PLCG2: variants seen among roughly 807,000 people sequenced by gnomAD.
The protein encoded by PLCG2 is phospholipase C gamma 2.
In PLCG2, 69 loss-of-function variants were observed where a neutral mutation model predicts 175.6. The observed-to-expected ratio is 0.39, with a 90% CI of 0.32 to 0.48. The LOEUF (loss-of-function observed/expected upper bound fraction) is 0.48, where lower values mean the gene tolerates loss of function less well. Among genes scored for constraint, PLCG2 ranks in the 20% least tolerant of loss-of-function variants. PLCG2 has a pLI of 0.91. For missense variants in PLCG2, 1,798 were observed against 1,650.9 expected (o/e 1.09, Z -1.54); for synonymous variants, 827 against 624.0 (o/e 1.33, Z -4.85).
chr16:81,794,725 A>G (rs879393175), intron 2 of PLCG2, among the ~76,000 whole-genome samples: 1 of 152,182 alleles, frequency 6.6e-6, no homozygotes, highest in Admixed American at 6.5e-5. Context: ...GTGCTTAAGT[A>G]TTTTTTGCTC....
chr16:81,828,168 C>A (rs189338665), intron 2 of PLCG2, among the ~76,000 whole-genome samples: 1 of 151,164 alleles, frequency 6.6e-6, no homozygotes, highest in Non-Finnish European at 1.5e-5. Flanking sequence ...ACAAAACACT[C>A]CTGTACCCTG....
At chr16:81,952,520 A>G (rs1911407891) in intron 31 of PLCG2, among the ~76,000 whole-genome samples, 1 of 152,248 alleles carries the variant, frequency 6.6e-6, no homozygotes, top group African/African-American at 2.4e-5. Context: ...TTCAGTAAAT[A>G]AAGAAGTGCT....
chr16:81,778,051 A>AAACAAAACAAACAAACAAAC (rs1910514159), upstream of PLCG2, among the ~76,000 whole-genome samples: 1 of 79,152 alleles, frequency 1.3e-5, no homozygotes. Flanking sequence ...AACAAAAAAA[A>AAACAAAACAAACAAACAAAC]AAACAAAAAA....
In PLCG2 at chr16:81,921,235, T is replaced by C; in HGVS notation, c.2273T>C (p.Met758Thr). Residue 758 changes from methionine (M) to threonine (T), a missense_variant, in exon 21 of 33, where the codon ATG becomes ACG. Met to Thr is a moderately conservative substitution (Grantham distance 81). Transcript: ENST00000564138. ...DINSLYDVSR[M>T]YVDPSEINPS... is the part of the protein sequence containing the mutation. ...AACTCCCTCTACGACGTCAGCAGAA[T>C]GTATGTGGATCCCAGTGAAATCAAT... The C allele has an allele frequency of 6.2e-7, 1 of 1,609,284 alleles. No homozygotes were observed. The highest frequency in any genetic ancestry group is 8.5e-7 in the Non-Finnish European group (1 of 1,175,626).
chr16:81,898,776 C>T (rs1280577040), intron 13 of PLCG2: 1 of 151,960 alleles, frequency 6.6e-6, no homozygotes. Context: ...AAGATAGTTT[C>T]CTGAGGTGAT....
chr16:81,928,361 C>T (rs150483905), intron 23 of PLCG2, among the ~76,000 whole-genome samples, 197 bp from the exon 24 acceptor site: 6 of 152,264 alleles, frequency 3.9e-5, no homozygotes, highest in African/African-American at 1.2e-4. Flanking sequence ...AACCTCCTGG[C>T]ACCCTCTCCC....
chr16:81,951,150 T>TTGTGTGTG (rs71146056), intron 31 of PLCG2, among the ~76,000 whole-genome samples: 9 of 151,726 alleles, frequency 5.9e-5, no homozygotes, highest in Admixed American at 5.9e-4. Context: ...AATTTAAAAT[T>TTGTGTGTG]TGTGTGTGTG....
At chr16:81,868,403 CCCCACTTACTCTGCAT>C (rs1907351160) in intron 5 of PLCG2, among the ~76,000 whole-genome samples, 2 of 152,094 alleles carry the variant, frequency 1.3e-5, no homozygotes, top group South Asian at 4.1e-4. Flanking sequence ...TGCAGGGGGT[CCCCACTTACTCTGCAT>C]CCCTCTTGTC....
At chr16:81,859,904 C>G (rs188776975) in intron 5 of PLCG2, among the ~76,000 whole-genome samples, 147 of 152,238 alleles carry the variant, frequency 9.7e-4, no homozygotes, top group African/African-American at 3.4e-3. Flanking sequence ...GTTTACTTGA[C>G]TTTTTCACTT....
rs142200863 is a variant in PLCG2 at position 81,948,165 on chromosome 16, TAAATC to T, written c.3570+1906_3570+1910del. On this transcript the variant is annotated intron_variant, in intron 31 of 32. Coordinates refer to ENST00000564138, the MANE Select transcript of PLCG2 (RefSeq NM_002661.5). ...GGCTAGATATTTAGCAATGGAATAA[TAAATC>T]AAAGAAAAAAGGACCATGTATTTTT... Among the ~76,000 whole-genome samples, 478 of 152,318 alleles carry T rather than the reference TAAATC, an allele frequency of 3.1e-3. 4 individuals are homozygous for T. Among genetic ancestry groups the T allele is most frequent in the African/African-American group, 0.011 (455 of 41,566 alleles).
At chr16:81,746,225 C>T (rs182859023) in intron 1 of PLCG2, among the ~76,000 whole-genome samples, 7 of 152,212 alleles carry the variant, frequency 4.6e-5, no homozygotes, top group Non-Finnish European at 1.0e-4. Flanking sequence ...TTTCAGCCCT[C>T]CCCGGTGCTT....
chr16:81,748,485 G>A (rs746434482), intron 1 of PLCG2, among the ~76,000 whole-genome samples: 2 of 152,098 alleles, frequency 1.3e-5, no homozygotes, highest in African/African-American at 2.4e-5. Context: ...CAAAGACTGA[G>A]TCTGAAAGGA....
chr16:81,793,124 G>C (rs1911313206), intron 2 of PLCG2, among the ~76,000 whole-genome samples: 1 of 152,218 alleles, frequency 6.6e-6, no homozygotes. Context: ...GACTGAGTCT[G>C]AAGCACAACA....
At chr16:81,802,589 C>G (rs906549893) in intron 2 of PLCG2, among the ~76,000 whole-genome samples, 1 of 151,904 alleles carries the variant, frequency 6.6e-6, no homozygotes, top group East Asian at 1.9e-4. Context: ...TGTTTTGAGA[C>G]TGAGTGGAGT....
intron 2 of PLCG2, among the ~76,000 whole-genome samples, chr16:81,765,082 G>C (rs1476161740): frequency 6.6e-6 from 1 of 152,124 alleles, no homozygotes; most frequent in Non-Finnish European, 1.5e-5. Flanking sequence ...AGTGAGATGA[G>C]ACACTGTCCC....
intron 30 of PLCG2, among the ~76,000 whole-genome samples, chr16:81,943,092 T>TTGGAGTGTAGGGGCTACCTGATAG (rs1911016254): frequency 1.3e-5 from 2 of 152,154 alleles, no homozygotes; most frequent in South Asian, 4.1e-4. Context: ...AACCATGCTA[T>TTGGAGTGTAGGGGCTACCTGATAG]TGGAGTGTAG....
At chr16:81,926,642 C>T (rs976020985) in intron 22 of PLCG2, among the ~76,000 whole-genome samples, 9 of 152,166 alleles carry the variant, frequency 5.9e-5, no homozygotes, top group African/African-American at 2.2e-4. Context: ...CACGTTTATG[C>T]ATTTTTCAGA....
At position 81,859,136 on chromosome 16, in the gene PLCG2, A is replaced by G; in HGVS notation, c.452A>G (p.Tyr151Cys). ...TCCAGTTGGCTGAGAAAGCAGATAT[A>G]TTCTGTGGATCAAACCAGAAGAAAC... ...IIESWLRKQI[Y>C]SVDQTRRNSI... Residue 151 changes from tyrosine to cysteine, a missense_variant, in exon 5 of 33, where the codon TAT becomes TGT. Physicochemically the swap from Tyr to Cys is radical, Grantham distance 194. Transcript: ENST00000564138. The G allele has an allele frequency of 6.3e-7, 1 of 1,597,656 alleles. No individual in the cohort carries two copies. The highest frequency in any genetic ancestry group is 8.6e-7 in the Non-Finnish European group (1 of 1,164,976).
In PLCG2 at chr16:81,786,178, C is replaced by A; in HGVS notation, c.189C>A (p.Gly63=). The A allele has an allele frequency of 6.2e-7, 1 of 1,613,546 alleles. No individual in the cohort carries two copies. Among genetic ancestry groups the A allele is most frequent in the Non-Finnish European group, 8.5e-7 (1 of 1,179,722 alleles). ...AWSKTADKIE[G]FLDIMEIKEI... ...GCAAGACCGCTGACAAGATCGAGGGCTTCTGTGAGTACTCGCTGGGTGGGG... is the reference window on the plus strand; with the variant it reads ...GCAAGACCGCTGACAAGATCGAGGGATTCTGTGAGTACTCGCTGGGTGGGG... The change falls in exon 2 of 33, where the codon GGC becomes GGA. Residue 63 remains glycine, a synonymous_variant. Transcript: ENST00000564138.
Sources: allele counts gnomAD v4.1 joint callset (sites outside exome capture counted in the v4.1 genomes callset), GRCh38; gene constraint gnomAD v4.1.1; transcripts MANE v1.5; gene names NCBI Gene and HGNC (gene_info 2026-07-23, HGNC 2026-07-21).